Variants in LRP1B observed in about 807,000 individuals in gnomAD.
LRP1B encodes the protein low-density lipoprotein receptor-related protein 1B.
LRP1B carries 217 observed loss-of-function variants against 556.6 expected under a neutral mutation model. The ratio of observed to expected loss-of-function variants is 0.39; its 90% CI spans 0.35 to 0.44. The LOEUF (loss-of-function observed/expected upper bound fraction) is 0.44, where lower values mean the gene tolerates loss of function less well. LRP1B is among the 20% of genes least tolerant of loss of function. The pLI is 1.00. For missense variants in LRP1B, 5,053 were observed against 5,620.8 expected, an observed-to-expected ratio of 0.90 and a Z score of 3.23; for synonymous variants, 2,047 against 1,865.8, an observed-to-expected ratio of 1.10 and a Z score of -2.50.
intron 1 of LRP1B, among the ~76,000 whole-genome samples, chr2:141,979,658 A>C (rs1217654332): frequency 6.6e-6 from 1 of 152,046 alleles, no homozygotes. Flanking sequence ...TCCCCTTTAA[A>C]ATACATACTG....
intron 2 of LRP1B, among the ~76,000 whole-genome samples, chr2:141,748,503 T>C (rs1693992175): frequency 6.6e-6 from 1 of 152,184 alleles, no homozygotes; most frequent in Middle Eastern, 3.2e-3. Flanking sequence ...CAAGTGCCTC[T>C]GGGCAAGGCA....
chr2:140,515,040 C>G (rs1689831744), intron 50 of LRP1B, among the ~76,000 whole-genome samples: 1 of 151,910 alleles, frequency 6.6e-6, no homozygotes, highest in Admixed American at 6.6e-5. Context: ...TCACTCTACT[C>G]CAGGTATATT....
At chr2:141,200,383 C>T (rs1412251682) in intron 6 of LRP1B, among the ~76,000 whole-genome samples, 1 of 152,006 alleles carries the variant, frequency 6.6e-6, no homozygotes, top group Middle Eastern at 3.2e-3. Context: ...CTGAGGCCTG[C>T]CGGGGGTGGG....
chr2:141,814,404 T>A (rs1312481792), intron 1 of LRP1B, among the ~76,000 whole-genome samples: 1 of 152,184 alleles, frequency 6.6e-6, no homozygotes, highest in East Asian at 1.9e-4. Flanking sequence ...GGATCTGGCT[T>A]ACTTTTGGAA....
At chr2:142,038,207 C>T (rs984186564) in intron 1 of LRP1B, among the ~76,000 whole-genome samples, 4 of 151,592 alleles carry the variant, frequency 2.6e-5, no homozygotes, top group African/African-American at 4.8e-5. Flanking sequence ...ATAAGGACTG[C>T]AGACTTCTAA....
intron 2 of LRP1B, among the ~76,000 whole-genome samples, chr2:141,544,332 T>TTC (rs1685426206): frequency 4.0e-5 from 1 of 25,160 alleles, no homozygotes; most frequent in East Asian, 9.5e-4. Flanking sequence ...CTTCTTCTTC[T>TTC]TCTTCTTCTT....
chr2:140,997,657 TTC>T (rs1340551201), intron 15 of LRP1B, among the ~76,000 whole-genome samples: 1 of 152,008 alleles, frequency 6.6e-6, no homozygotes, highest in Non-Finnish European at 1.5e-5. Flanking sequence ...TAAAATGTCT[TTC>T]TATTATTTCT....
intron 77 of LRP1B, among the ~76,000 whole-genome samples, chr2:140,336,387 C>T (rs1573811242): frequency 1.4e-5 from 2 of 147,420 alleles, no homozygotes; most frequent in East Asian, 2.0e-4. Flanking sequence ...TAGTTTAGTA[C>T]TTTTTTTTTT....
intron 1 of LRP1B, among the ~76,000 whole-genome samples, chr2:142,113,964 A>T (rs1040707686): frequency 6.6e-6 from 1 of 152,086 alleles, no homozygotes; most frequent in African/African-American, 2.4e-5. Flanking sequence ...TCAGTATAGG[A>T]TCTCTTTCTA....
intron 2 of LRP1B, among the ~76,000 whole-genome samples, chr2:141,698,928 C>T (rs1223577462): frequency 6.6e-6 from 1 of 151,780 alleles, no homozygotes; most frequent in African/African-American, 2.4e-5. Context: ...TATTTTGATG[C>T]AGGCATTGCA....
At chr2:141,358,303 A>G (rs1436018519) in intron 3 of LRP1B, among the ~76,000 whole-genome samples, 2 of 152,226 alleles carry the variant, frequency 1.3e-5, no homozygotes. Context: ...ATCACCCTGA[A>G]GGTTAGGCAG....
chr2:141,134,150 C>T (rs1057195839), intron 7 of LRP1B, among the ~76,000 whole-genome samples: 2 of 151,710 alleles, frequency 1.3e-5, no homozygotes, highest in African/African-American at 4.8e-5. Context: ...TCATGCACTG[C>T]CTTAATATAT....
intron 62 of LRP1B, among the ~76,000 whole-genome samples, chr2:140,453,370 C>A (rs1686960093): frequency 1.3e-5 from 2 of 151,966 alleles, no homozygotes; most frequent in Non-Finnish European, 2.9e-5. Context: ...TCTTCTATTT[C>A]ATGTCTTAGC....
chr2:141,418,795 A>G (rs1171414385), intron 3 of LRP1B, among the ~76,000 whole-genome samples: 2 of 152,006 alleles, frequency 1.3e-5, no homozygotes, highest in African/African-American at 4.8e-5. Flanking sequence ...TTTTGAGAGG[A>G]ATTCCACTGA....
intron 72 of LRP1B, among the ~76,000 whole-genome samples, chr2:140,362,436 AT>A (rs1682554539): frequency 6.6e-6 from 1 of 151,664 alleles, no homozygotes; most frequent in South Asian, 2.1e-4. Context: ...TTATGTCCTG[AT>A]ATATCCTTTA....
chr2:141,357,976 C>A (rs1459798350), intron 3 of LRP1B, among the ~76,000 whole-genome samples: 1 of 152,134 alleles, frequency 6.6e-6, no homozygotes, highest in African/African-American at 2.4e-5. Context: ...GGAAAAACAA[C>A]CCTCTTCCAG....
At chr2:141,891,681 A>G (rs1008342680) in intron 1 of LRP1B, among the ~76,000 whole-genome samples, 2 of 152,166 alleles carry the variant, frequency 1.3e-5, no homozygotes, top group Non-Finnish European at 2.9e-5. Flanking sequence ...AGTGTTGTTT[A>G]GTAGAAAGCC....
intron 83 of LRP1B, among the ~76,000 whole-genome samples, chr2:140,313,480 T>A (rs1345463157): frequency 6.6e-6 from 1 of 151,940 alleles, no homozygotes; most frequent in African/African-American, 2.4e-5. Context: ...TGAGATGCAT[T>A]GCAGGTTCAA....
intron 1 of LRP1B, among the ~76,000 whole-genome samples, chr2:141,901,036 T>C (rs1475081697): frequency 6.6e-6 from 1 of 151,914 alleles, no homozygotes; most frequent in Non-Finnish European, 1.5e-5. Context: ...GTCAGAAAAA[T>C]AGTGAGCAAG....
Sources: gnomAD v4.1 joint callset for allele counts (sites outside exome capture counted in the v4.1 genomes callset) on GRCh38, gnomAD v4.1.1 for gene constraint, MANE v1.5 for transcripts, NCBI Gene and HGNC (gene_info 2026-07-23, HGNC 2026-07-21) for gene names.